Variants in GRIA2 observed in about 807,000 individuals in gnomAD.
GRIA2 encodes the protein glutamate receptor 2.
A neutral mutation model predicts 97.3 loss-of-function variants in GRIA2; 14 were observed. The observed-to-expected ratio is 0.14, with a 90% confidence interval of 0.10 to 0.23. The LOEUF is 0.23. Among genes scored for constraint, GRIA2 ranks in the 10% least tolerant of loss-of-function variants. The probability of loss-of-function intolerance (pLI) is 1.00; values close to 1 mark genes in which losing one functional copy is unlikely to be tolerated. For missense variants in GRIA2, 558 were observed against 1,069.8 expected (o/e 0.52, Z 6.67); for synonymous variants, 412 against 387.8 (o/e 1.06, Z -0.73).
At chr4:157,276,342 A>G (rs923277166) in intron 2 of GRIA2, among the ~76,000 whole-genome samples, 10 of 152,138 alleles carry the variant, frequency 6.6e-5, no homozygotes, top group African/African-American at 2.4e-4. Flanking sequence ...TTTGAAAATG[A>G]AAATGCAACT....
At chr4:157,333,492 T>G (rs1430018525) in intron 8 of GRIA2, 139 bp downstream of exon 8, 2 of 423,046 alleles carry the variant, frequency 4.7e-6, no homozygotes, top group Non-Finnish European at 8.6e-6. Flanking sequence ...TATTTTGAAG[T>G]TTTTTTTTCC....
intron 2 of GRIA2, among the ~76,000 whole-genome samples, chr4:157,302,955 T>C (rs910296261): frequency 3.9e-5 from 6 of 152,180 alleles, no homozygotes; most frequent in Admixed American, 1.3e-4. Flanking sequence ...ATGGGGAAGA[T>C]TAAAATGCAA....
chr4:157,256,797 T>C (rs144555458), intron 2 of GRIA2, among the ~76,000 whole-genome samples: 185 of 152,156 alleles, frequency 1.2e-3, no homozygotes, highest in Non-Finnish European at 2.0e-3. Context: ...AGGTGACATC[T>C]GGATATCTAG....
At chr4:157,301,087 C>A (rs1466033689) in intron 2 of GRIA2, among the ~76,000 whole-genome samples, 2 of 152,134 alleles carry the variant, frequency 1.3e-5, no homozygotes, top group Admixed American at 1.3e-4. Context: ...GACATGCCCA[C>A]ACTTTGCAGG....
chr4:157,222,107 C>T (rs975739547), intron 2 of GRIA2, among the ~76,000 whole-genome samples: 2 of 152,078 alleles, frequency 1.3e-5, no homozygotes, highest in African/African-American at 4.8e-5. Flanking sequence ...AAGGGGTTTT[C>T]GCTCATCTTG....
chr4:157,338,435 A>G (rs1227034375), intron 11 of GRIA2, among the ~76,000 whole-genome samples: 1 of 151,952 alleles, frequency 6.6e-6, no homozygotes, highest in Non-Finnish European at 1.5e-5. Flanking sequence ...TTGTTTAGGT[A>G]TCCAGTGTTT....
At chr4:157,294,561 A>C (rs1421594049) in intron 2 of GRIA2, among the ~76,000 whole-genome samples, 1 of 152,162 alleles carries the variant, frequency 6.6e-6, no homozygotes, top group East Asian at 1.9e-4. Flanking sequence ...AAAAGTAATA[A>C]AACAGAGAAT....
chr4:157,321,318 A>C, intron 5 of GRIA2, 120 bp from the exon 6 acceptor site: 1 of 699,882 alleles, frequency 1.4e-6, no homozygotes, highest in Non-Finnish European at 2.4e-6. Context: ...CTGCAGGCTT[A>C]TTATATCTCA....
chr4:157,294,919 A>G (rs184827383), intron 2 of GRIA2, among the ~76,000 whole-genome samples: 6 of 152,296 alleles, frequency 3.9e-5, no homozygotes, highest in African/African-American at 1.4e-4. Flanking sequence ...GGATAGAACT[A>G]TATGAATTTA....
intron 12 of GRIA2, chr4:157,342,475 G>A (rs965125156): frequency 2.0e-6 from 2 of 983,302 alleles, no homozygotes; most frequent in African/African-American, 3.5e-5. Flanking sequence ...AATTAATTAG[G>A]TACCTCAATA....
intron 12 of GRIA2, among the ~76,000 whole-genome samples, chr4:157,346,792 C>T (rs1318109586): frequency 6.6e-6 from 1 of 152,124 alleles, no homozygotes. Context: ...TATAGCAGAA[C>T]AATCTGCACA....
intron 2 of GRIA2, among the ~76,000 whole-genome samples, chr4:157,275,781 A>G (rs999219256): frequency 4.6e-5 from 7 of 151,918 alleles, no homozygotes. Flanking sequence ...GCCTTGTAGT[A>G]TAGTTTGAAG....
chr4:157,250,447 A>T (rs1184533544), intron 2 of GRIA2, among the ~76,000 whole-genome samples: 1 of 152,112 alleles, frequency 6.6e-6, no homozygotes, highest in Non-Finnish European at 1.5e-5. Flanking sequence ...TCGCAATTGA[A>T]GAAAAGAAGT....
chr4:157,362,578 A>C (rs112367090), intron 14 of GRIA2: 9 of 608,010 alleles, frequency 1.5e-5, no homozygotes, highest in Non-Finnish European at 2.7e-5. Flanking sequence ...TATTCCCTGC[A>C]GGTAGTCGAT....
rs573428645 is a variant in GRIA2, at chr4:157,245,654, A to C, written c.229+23847A>C. On this transcript the variant is annotated intron_variant, in intron 2 of 15. Transcript: ENST00000264426. ...GGATGGATGTCATGCTAAGTAGTAA[A>C]GGCAATAAATTATCAGTATTTGGGG... Among the ~76,000 whole-genome samples the C allele has an allele frequency of 3.0e-4, 45 of 152,258 alleles. No individual in the cohort carries two copies. The South Asian group carries it at 4.3e-3, about 15-fold the overall frequency.
intron 2 of GRIA2, among the ~76,000 whole-genome samples, chr4:157,265,411 G>T (rs758576466): frequency 1.3e-5 from 2 of 152,114 alleles, no homozygotes; most frequent in Non-Finnish European, 2.9e-5. Context: ...AATTCAGCTG[G>T]GCTTCAGGTT....
intron 6 of GRIA2, among the ~76,000 whole-genome samples, chr4:157,325,655 G>A (rs756372526): frequency 6.6e-5 from 10 of 152,044 alleles, no homozygotes; most frequent in Admixed American, 1.3e-4. Flanking sequence ...TTCCTTCAGC[G>A]GTCTTTCTTA....
intron 12 of GRIA2, 51 bp from the exon 13 acceptor site, chr4:157,359,845 A>G (rs757596204): frequency 6.5e-7 from 1 of 1,550,342 alleles, no homozygotes; most frequent in African/African-American, 1.4e-5. Context: ...TTTGTGAGTA[A>G]TTTTTTAGGG....
chr4:157,258,134 T>C (rs887729829), intron 2 of GRIA2, among the ~76,000 whole-genome samples: 1 of 151,978 alleles, frequency 6.6e-6, no homozygotes. Flanking sequence ...GTTTAAACAG[T>C]ATGAAATCTG....
Sources: allele counts gnomAD v4.1 joint callset (sites outside exome capture counted in the v4.1 genomes callset), GRCh38; gene constraint gnomAD v4.1.1; transcripts MANE v1.5; gene names NCBI Gene and HGNC (gene_info 2026-07-23, HGNC 2026-07-21).